Variants in CFTR observed in about 807,000 individuals in gnomAD.
CFTR encodes the protein CF transmembrane conductance regulator.
Under a neutral mutation model 171.6 loss-of-function variants are expected in CFTR, and 181 were observed. That is an observed-to-expected ratio of 1.05 (90% CI 0.93 to 1.19). CFTR has a LOEUF of 1.19. Ranked by LOEUF, CFTR falls within the 50% of genes most tolerant of loss-of-function variation. CFTR has a pLI of 0.00. For synonymous variants in CFTR, 583 were observed against 608.0 expected, an observed-to-expected ratio of 0.96 and a Z score of 0.60; for missense variants, 1,968 against 1,734.7, an observed-to-expected ratio of 1.13 and a Z score of -2.39.
chr7:117,640,182 A>T (rs1174506832), intron 22 of CFTR, among the ~76,000 whole-genome samples: 1 of 152,160 alleles, frequency 6.6e-6, no homozygotes, highest in Non-Finnish European at 1.5e-5. Flanking sequence ...TATTCAACAG[A>T]TCACTGAGAA....
chr7:117,540,237 T>A lies in CFTR; in HGVS notation c.1007T>A (p.Ile336Lys), dbSNP rs397508139. The A allele has an allele frequency of 3.7e-6, 6 of 1,614,108 alleles. No homozygotes were observed. The highest frequency in any genetic ancestry group is 5.1e-6 in the Non-Finnish European group (6 of 1,180,016). The change falls in exon 8 of 27, where the codon ATA becomes AAA. Residue 336 changes from isoleucine (I) to lysine (K), a missense_variant. Physicochemically the swap from Ile to Lys is moderately radical, Grantham distance 102 (BLOSUM62 -3). Coordinates refer to ENST00000003084, the MANE Select transcript of CFTR (RefSeq NM_000492.4). The stretch of plus-strand genomic sequence containing the variant: ...ATCAAAGGAATCATCCTCCGGAAAA[T>A]ATTCACCACCATCTCATTCTGCATT... ...ALIKGIILRK[I>K]FTTISFCIVL...
intron 11 of CFTR, among the ~76,000 whole-genome samples, chr7:117,583,323 C>T (rs113183139): frequency 0.044 from 6,628 of 151,894 alleles, 492 homozygotes; most frequent in African/African-American, 0.15. Flanking sequence ...ATCCCCCCCC[C>T]GCTCCACCCT....
intron 26 of CFTR, among the ~76,000 whole-genome samples, chr7:117,666,189 T>C (rs1299639808): frequency 1.3e-5 from 2 of 152,172 alleles, no homozygotes; most frequent in African/African-American, 4.8e-5. Flanking sequence ...TGAGGCCCCA[T>C]CTGTCTTTAT....
At chr7:117,577,095 T>A (rs1383708839) in intron 11 of CFTR, among the ~76,000 whole-genome samples, 1 of 152,096 alleles carries the variant, frequency 6.6e-6, no homozygotes, top group Non-Finnish European at 1.5e-5. Context: ...TTTTTATTGA[T>A]CTTGAAAGAG....
intron 11 of CFTR, among the ~76,000 whole-genome samples, chr7:117,570,274 C>T (rs1173776018): frequency 1.3e-5 from 2 of 151,782 alleles, no homozygotes; most frequent in African/African-American, 4.8e-5. Context: ...CCTCCACTAA[C>T]TTTCACGTGC....
At chr7:117,595,104 T>C (rs755937493) in intron 15 of CFTR, 46 bp downstream of exon 15, 2 of 1,535,638 alleles carry the variant, frequency 1.3e-6, no homozygotes, top group Admixed American at 1.7e-5. Context: ...AAAGTTAAAT[T>C]AAGATAGTTT....
chr7:117,626,649 T>C (rs1778955554), intron 21 of CFTR, among the ~76,000 whole-genome samples: 2 of 152,084 alleles, frequency 1.3e-5, no homozygotes, highest in Non-Finnish European at 2.9e-5. Context: ...TTTATATTTA[T>C]TTACTCATTA....
intron 11 of CFTR, among the ~76,000 whole-genome samples, chr7:117,577,528 C>T (rs1425104262): frequency 1.3e-5 from 2 of 152,074 alleles, no homozygotes; most frequent in African/African-American, 4.8e-5. Context: ...ATATGATAAG[C>T]ATTCTTGATT....
intron 3 of CFTR, among the ~76,000 whole-genome samples, chr7:117,513,833 T>G (rs2116647920): frequency 6.6e-6 from 1 of 152,260 alleles, no homozygotes; most frequent in Non-Finnish European, 1.5e-5. Context: ...GACACTGCAC[T>G]CCCCACAATC....
At chr7:117,598,080 G>C (rs1792165356) in intron 15 of CFTR, among the ~76,000 whole-genome samples, 1 of 152,154 alleles carries the variant, frequency 6.6e-6, no homozygotes, top group South Asian at 2.1e-4. Flanking sequence ...GAGGGAACTG[G>C]GGATCAGGTT....
At chr7:117,558,018 G>A (rs779296125) in intron 10 of CFTR, among the ~76,000 whole-genome samples, 55 of 152,050 alleles carry the variant, frequency 3.6e-4, no homozygotes, top group Admixed American at 9.2e-4. Flanking sequence ...TAGCTCTGTG[G>A]CATAAAGTAT....
At chr7:117,600,615 A>G (rs1304612869) in intron 15 of CFTR, among the ~76,000 whole-genome samples, 1 of 151,942 alleles carries the variant, frequency 6.6e-6, no homozygotes, top group African/African-American at 2.4e-5. Flanking sequence ...AATAGTAATA[A>G]TTTTAGGGCA....
intron 23 of CFTR, among the ~76,000 whole-genome samples, chr7:117,642,870 C>T (rs963617280): frequency 6.6e-6 from 1 of 152,086 alleles, no homozygotes; most frequent in African/African-American, 2.4e-5. Context: ...TTTAACAGCT[C>T]TTTTTTGTTC....
At chr7:117,582,471 G>A (rs929328108) in intron 11 of CFTR, among the ~76,000 whole-genome samples, 1 of 152,114 alleles carries the variant, frequency 6.6e-6, no homozygotes, top group East Asian at 1.9e-4. Context: ...ATTTTTCCCA[G>A]GGTACACGCA....
chr7:117,573,036 T>TTCTCTCTCTCTCTC (rs146811028), intron 11 of CFTR, among the ~76,000 whole-genome samples: 3 of 144,260 alleles, frequency 2.1e-5, no homozygotes, highest in Non-Finnish European at 3.1e-5. Flanking sequence ...ACTCCACCCT[T>TTCTCTCTCTCTCTC]TCTCTCTCTC....
intron 11 of CFTR, among the ~76,000 whole-genome samples, chr7:117,587,328 G>T (rs1791950762): frequency 6.6e-6 from 1 of 152,086 alleles, no homozygotes; most frequent in Admixed American, 6.6e-5. Context: ...TAGGAGGTTT[G>T]TTCATTTTGG....
chr7:117,496,206 C>A (rs530491492), intron 1 of CFTR, among the ~76,000 whole-genome samples: 1 of 151,810 alleles, frequency 6.6e-6, no homozygotes, highest in East Asian at 1.9e-4. Context: ...GTGCATCATT[C>A]TTTTTTATTT....
At chr7:117,482,536 C>A (rs549650596) in intron 1 of CFTR, among the ~76,000 whole-genome samples, 4 of 152,068 alleles carry the variant, frequency 2.6e-5, no homozygotes, top group Non-Finnish European at 5.9e-5. Context: ...TCAGGTAGTT[C>A]ATGACTATCA....
At chr7:117,510,787 A>G (rs942600940) in intron 3 of CFTR, among the ~76,000 whole-genome samples, 3 of 152,180 alleles carry the variant, frequency 2.0e-5, no homozygotes, top group Non-Finnish European at 2.9e-5. Context: ...TAAACATGAT[A>G]TAGAAGAATT....
Sources: allele counts gnomAD v4.1 joint callset (sites outside exome capture counted in the v4.1 genomes callset), GRCh38; gene constraint gnomAD v4.1.1; transcripts MANE v1.5; gene names NCBI Gene and HGNC (gene_info 2026-07-23, HGNC 2026-07-21).